DOCK2: variants seen among roughly 807,000 people sequenced by gnomAD.
The protein encoded by DOCK2 is dedicator of cytokinesis 2.
Under a neutral mutation model 248.9 loss-of-function variants are expected in DOCK2, and 87 were observed. The ratio of observed to expected loss-of-function variants is 0.35; its 90% CI spans 0.29 to 0.42. The LOEUF (loss-of-function observed/expected upper bound fraction) is 0.42. DOCK2 is among the 10% of genes least tolerant of loss of function. DOCK2 has a pLI of 1.00. For missense variants in DOCK2, 1,747 were observed against 2,300.2 expected, an observed-to-expected ratio of 0.76 and a Z score of 4.92; for synonymous variants, 805 against 821.6, an observed-to-expected ratio of 0.98 and a Z score of 0.35.
At chr5:170,032,330 T>C in intron 34 of DOCK2, among the ~76,000 whole-genome samples, 1 of 152,128 alleles carries the variant, frequency 6.6e-6, no homozygotes, top group Admixed American at 6.5e-5. Flanking sequence ...CTGGCCCCAG[T>C]TGTTCTTAAT....
intron 27 of DOCK2, chr5:169,884,077 C>T (rs989193272): frequency 4.3e-6 from 2 of 468,084 alleles, no homozygotes; most frequent in East Asian, 3.1e-5. Context: ...CTAGAGTCTA[C>T]GTAGGAACTA....
At chr5:170,054,848 C>G (rs578036212) in intron 41 of DOCK2, among the ~76,000 whole-genome samples, 1 of 152,110 alleles carries the variant, frequency 6.6e-6, no homozygotes, top group Non-Finnish European at 1.5e-5. Context: ...AATACAAACT[C>G]GGATCTGTTC....
intron 27 of DOCK2, among the ~76,000 whole-genome samples, chr5:169,981,793 G>A (rs540235974): frequency 1.3e-4 from 20 of 152,154 alleles, no homozygotes; most frequent in African/African-American, 4.6e-4. Flanking sequence ...TTAAATTAAG[G>A]TTTATGTTCT....
chr5:169,741,811 T>C (rs2113668102), intron 22 of DOCK2, among the ~76,000 whole-genome samples: 1 of 141,246 alleles, frequency 7.1e-6, no homozygotes, highest in East Asian at 2.1e-4. Flanking sequence ...CTATTTTTTT[T>C]TTTTTTTTTT....
At chr5:170,080,656 G>A (rs1267174757) in intron 50 of DOCK2, 1 of 217,946 alleles carries the variant, frequency 4.6e-6, no homozygotes, top group East Asian at 1.0e-4. Context: ...GGACCTGGAA[G>A]ACTCTTTCTG....
intron 1 of DOCK2, among the ~76,000 whole-genome samples, chr5:169,648,605 T>C (rs1392478831): frequency 1.3e-5 from 2 of 152,198 alleles, no homozygotes; most frequent in East Asian, 3.8e-4. Flanking sequence ...AGCCAGCCTG[T>C]CTGGGGTGAA....
At chr5:169,732,799 G>A (rs1193368518) in intron 22 of DOCK2, among the ~76,000 whole-genome samples, 1 of 152,058 alleles carries the variant, frequency 6.6e-6, no homozygotes, top group Non-Finnish European at 1.5e-5. Context: ...ATCCATTCTT[G>A]CCTTCCTACA....
intron 22 of DOCK2, among the ~76,000 whole-genome samples, chr5:169,739,466 G>A (rs1225586289): frequency 2.6e-5 from 4 of 152,130 alleles, no homozygotes; most frequent in African/African-American, 7.2e-5. Flanking sequence ...CAAAGAAAGA[G>A]TAGATCTCTC....
chr5:169,960,686 C>G (rs1259320261), intron 27 of DOCK2, among the ~76,000 whole-genome samples: 1 of 152,150 alleles, frequency 6.6e-6, no homozygotes, highest in Non-Finnish European at 1.5e-5. Flanking sequence ...ATTGTTGTCC[C>G]CTCCTCCCAC....
At chr5:170,036,589 T>A in intron 36 of DOCK2, 34 bp downstream of exon 36, 1 of 1,607,032 alleles carries the variant, frequency 6.2e-7, no homozygotes, top group Non-Finnish European at 8.5e-7. Flanking sequence ...CCAGACCTGC[T>A]GTGTCACTTT....
intron 2 of DOCK2, among the ~76,000 whole-genome samples, chr5:169,663,446 C>T (rs932726435): frequency 2.0e-5 from 3 of 152,240 alleles, no homozygotes; most frequent in African/African-American, 4.8e-5. Flanking sequence ...TGTGGGGGCT[C>T]CAACCCCACA....
chr5:169,855,689 G>C (rs938814337), intron 27 of DOCK2, among the ~76,000 whole-genome samples: 1 of 152,174 alleles, frequency 6.6e-6, no homozygotes, highest in African/African-American at 2.4e-5. Context: ...GATCCCAATG[G>C]TGAAGTCTTT....
chr5:169,882,422 A>G, intron 27 of DOCK2: 1 of 733,120 alleles, frequency 1.4e-6, no homozygotes, highest in South Asian at 2.0e-5. Context: ...TGTGGTTATG[A>G]TTTGGAGAAA....
chr5:169,813,562 A>G (rs1174255011), intron 26 of DOCK2, among the ~76,000 whole-genome samples: 5 of 152,238 alleles, frequency 3.3e-5, no homozygotes, highest in African/African-American at 9.6e-5. Flanking sequence ...CAGAGACCCA[A>G]GGGAGATGCC....
chr5:169,952,327 G>A (rs1004283428), intron 27 of DOCK2, among the ~76,000 whole-genome samples: 26 of 152,214 alleles, frequency 1.7e-4, no homozygotes, highest in African/African-American at 6.0e-4. Context: ...CATTGGGTAT[G>A]TAAAAATCAA....
intron 25 of DOCK2, among the ~76,000 whole-genome samples, chr5:169,761,923 G>T (rs1453548602): frequency 6.6e-6 from 1 of 152,136 alleles, no homozygotes; most frequent in Non-Finnish European, 1.5e-5. Context: ...AAAGGGAAAT[G>T]GATAAAGTTC....
intron 43 of DOCK2, 62 bp from the exon 44 acceptor site, chr5:170,057,518 C>G: frequency 6.7e-7 from 1 of 1,488,888 alleles, no homozygotes; most frequent in Non-Finnish European, 9.4e-7. Context: ...TTCTCCGATA[C>G]CCAGGTTTCA....
In DOCK2 at chr5:169,940,526, T is replaced by A. The variant is rs58388354; in HGVS notation, c.2800-42542T>A. 0.011 allele frequency among the ~76,000 whole-genome samples: 1,738 copies of A among 152,320 alleles called. 73 individuals carry two copies. The East Asian group carries it at 0.13, about 12-fold the overall frequency. On this transcript the variant is annotated intron_variant, in intron 27 of 51. Transcript: ENST00000520908. ...TAATGAAATAATTATACAACTCACC[T>A]TAATGTAGAATCAATGGGAACCCTG...
At chr5:170,024,272 G>T (rs994483392) in intron 33 of DOCK2, among the ~76,000 whole-genome samples, 4 of 151,776 alleles carry the variant, frequency 2.6e-5, no homozygotes, top group African/African-American at 9.7e-5. Flanking sequence ...GGAGAAGCCA[G>T]AGCTACATCC....
Sources: gnomAD v4.1 joint callset for allele counts (sites outside exome capture counted in the v4.1 genomes callset) on GRCh38, gnomAD v4.1.1 for gene constraint, MANE v1.5 for transcripts, NCBI Gene and HGNC (gene_info 2026-07-23, HGNC 2026-07-21) for gene names.